PDE4D: variants seen among roughly 807,000 people sequenced by gnomAD.
The protein encoded by PDE4D is 3',5'-cyclic-AMP phosphodiesterase 4D.
In PDE4D, 24 loss-of-function variants were observed where a neutral mutation model predicts 87.4. That is an observed-to-expected ratio of 0.27 (90% CI 0.20 to 0.39). The LOEUF (loss-of-function observed/expected upper bound fraction) is 0.39, where lower values mean the gene tolerates loss of function less well. PDE4D is among the 10% of genes least tolerant of loss of function. The pLI is 1.00. For synonymous variants in PDE4D, 384 were observed against 383.2 expected (o/e 1.00, Z -0.02); for missense variants, 714 against 1,041.0 (o/e 0.69, Z 4.32).
chr5:59,614,157 C>T (rs1161527971), intron 1 of PDE4D, among the ~76,000 whole-genome samples: 2 of 152,144 alleles, frequency 1.3e-5, no homozygotes, highest in Non-Finnish European at 2.9e-5. Flanking sequence ...TTAGTCACTG[C>T]CCTGACTGGA....
chr5:60,132,949 TA>T (rs1253027405), intron 2 of PDE4D, among the ~76,000 whole-genome samples: 1 of 152,224 alleles, frequency 6.6e-6, no homozygotes, highest in East Asian at 1.9e-4. Flanking sequence ...CCCTGTTGTC[TA>T]AATGAAATAG....
At chr5:59,834,020 A>G (rs1741640590) in intron 1 of PDE4D, among the ~76,000 whole-genome samples, 1 of 152,054 alleles carries the variant, frequency 6.6e-6, no homozygotes, top group African/African-American at 2.4e-5. Context: ...TTTTTATGAC[A>G]AAGTTCAGCA....
intron 11 of PDE4D, among the ~76,000 whole-genome samples, chr5:58,978,810 C>T (rs1369858862): frequency 1.3e-5 from 2 of 152,024 alleles, no homozygotes; most frequent in African/African-American, 4.8e-5. Context: ...TTCTGGTGAA[C>T]TTTTATAGTG....
intron 3 of PDE4D, among the ~76,000 whole-genome samples, chr5:59,953,854 T>C (rs1416485890): frequency 6.6e-6 from 1 of 152,212 alleles, no homozygotes; most frequent in African/African-American, 2.4e-5. Context: ...GGAGTTACTC[T>C]ACAGTCATAT....
intron 1 of PDE4D, among the ~76,000 whole-genome samples, chr5:59,689,269 A>T (rs1271128015): frequency 6.6e-6 from 1 of 152,218 alleles, no homozygotes; most frequent in East Asian, 1.9e-4. Context: ...CACAACAAAA[A>T]AAGAGAATTT....
At chr5:60,064,280 A>G (rs531680498) in intron 2 of PDE4D, among the ~76,000 whole-genome samples, 2 of 152,290 alleles carry the variant, frequency 1.3e-5, no homozygotes, top group Non-Finnish European at 2.9e-5. Context: ...TATTTGAAAC[A>G]AAACTATAAG....
At chr5:59,316,097 C>T (rs1160912870) in intron 1 of PDE4D, among the ~76,000 whole-genome samples, 2 of 152,086 alleles carry the variant, frequency 1.3e-5, no homozygotes, top group Non-Finnish European at 2.9e-5. Flanking sequence ...AAACTGAGGG[C>T]CGTAGACCCT....
intron 3 of PDE4D, among the ~76,000 whole-genome samples, chr5:59,912,543 C>A (rs536893494): frequency 9.9e-5 from 15 of 152,104 alleles, no homozygotes; most frequent in Non-Finnish European, 1.9e-4. Flanking sequence ...TGAAGACTTA[C>A]GACAATTAGA....
intron 1 of PDE4D, among the ~76,000 whole-genome samples, chr5:60,414,266 T>TA (rs1429216245): frequency 6.6e-6 from 1 of 152,230 alleles, no homozygotes; most frequent in South Asian, 2.1e-4. Flanking sequence ...AGGTAGTTTT[T>TA]ATGTGTTAAT....
intron 1 of PDE4D, among the ~76,000 whole-genome samples, chr5:60,298,835 A>G (rs1413588076): frequency 6.6e-6 from 1 of 152,222 alleles, no homozygotes; most frequent in African/African-American, 2.4e-5. Flanking sequence ...TGTGTCAGCA[A>G]TAACAACAAG....
At chr5:59,681,499 G>T (rs1196326372) in intron 1 of PDE4D, among the ~76,000 whole-genome samples, 1 of 152,106 alleles carries the variant, frequency 6.6e-6, no homozygotes. Flanking sequence ...AGACCAAAAC[G>T]CAACAGTGTT....
intron 1 of PDE4D, among the ~76,000 whole-genome samples, chr5:59,440,970 A>G (rs1797530829): frequency 6.6e-6 from 1 of 152,240 alleles, no homozygotes; most frequent in East Asian, 1.9e-4. Context: ...GCAGATTTAA[A>G]TATCGAAAAT....
chr5:59,001,491 C>G (rs1367759896), intron 6 of PDE4D, among the ~76,000 whole-genome samples: 1 of 152,164 alleles, frequency 6.6e-6, no homozygotes, highest in Non-Finnish European at 1.5e-5. Flanking sequence ...ACTCTTACTC[C>G]TCTACAAAAG....
intron 1 of PDE4D, among the ~76,000 whole-genome samples, chr5:59,616,602 C>G (rs1409617767): frequency 1.3e-5 from 2 of 152,082 alleles, no homozygotes; most frequent in Non-Finnish European, 2.9e-5. Context: ...GTCATGCTCC[C>G]TAGCGATGCT....
At chr5:59,467,445 AT>A (rs1164218827) in intron 1 of PDE4D, among the ~76,000 whole-genome samples, 1 of 152,188 alleles carries the variant, frequency 6.6e-6, no homozygotes, top group Non-Finnish European at 1.5e-5. Context: ...GAGAGAAATG[AT>A]TTAGTAACAG....
chr5:59,691,446 C>G lies in PDE4D; in HGVS notation c.455+201722G>C, dbSNP rs1212415616. ...GGACATGGATGAAGCTGGAAACCAT[C>G]ATTCTGAGCAAACTATTGCAAGGAC... On this transcript the variant is annotated intron_variant, in intron 1 of 14. Transcript: ENST00000340635. Among the ~76,000 whole-genome samples, 3 of 152,038 alleles carry G rather than the reference C, an allele frequency of 2.0e-5. No individual in the cohort carries two copies. The East Asian group carries it at 5.8e-4, about 29-fold the overall frequency.
At chr5:60,114,941 CATGG>C (rs72415755) in intron 2 of PDE4D, among the ~76,000 whole-genome samples, 1,172 of 89,180 alleles carry the variant, frequency 0.013, 15 homozygotes, top group African/African-American at 0.042. Flanking sequence ...TAGATAGATA[CATGG>C]ATGGATGGAT....
chr5:59,447,642 A>G (rs1025115814), intron 1 of PDE4D, among the ~76,000 whole-genome samples: 7 of 152,268 alleles, frequency 4.6e-5, no homozygotes, highest in Non-Finnish European at 1.0e-4. Context: ...GCTTTGGGAC[A>G]GTGCACAGAA....
chr5:59,518,974 A>C (rs546402553), intron 1 of PDE4D, among the ~76,000 whole-genome samples: 6 of 152,328 alleles, frequency 3.9e-5, no homozygotes, highest in African/African-American at 1.4e-4. Context: ...GGCCGGTGTT[A>C]TCTCTGTTTA....
Sources: gnomAD v4.1 joint callset for allele counts (sites outside exome capture counted in the v4.1 genomes callset) on GRCh38, gnomAD v4.1.1 for gene constraint, MANE v1.5 for transcripts, NCBI Gene and HGNC (gene_info 2026-07-23, HGNC 2026-07-21) for gene names.